The following RMND5A variants were observed in gnomAD, a reference collection of about 807,000 sequenced individuals.
RMND5A encodes the protein E3 ubiquitin-protein transferase RMND5A.
In RMND5A, 17 loss-of-function variants were observed where a neutral mutation model predicts 49.7. The observed-to-expected ratio is 0.34, with a 90% CI of 0.23 to 0.51. The LOEUF (loss-of-function observed/expected upper bound fraction) is 0.51, where lower values mean the gene tolerates loss of function less well. Ranked by LOEUF, RMND5A falls within the 20% of genes least tolerant of loss-of-function variation. The probability of loss-of-function intolerance (pLI) is 0.96; values close to 1 mark genes in which losing one functional copy is unlikely to be tolerated. For missense variants in RMND5A, 255 were observed against 471.3 expected (o/e 0.54, Z 4.25); for synonymous variants, 156 against 167.7 (o/e 0.93, Z 0.54).
chr2:86,776,662 T>C lies in RMND5A; in HGVS notation c.*3251T>C, dbSNP rs1421464089. 2.0e-5 allele frequency: 3 copies of C among 152,236 alleles called. No homozygotes were observed. The highest frequency in any genetic ancestry group is 4.4e-5 in the Non-Finnish European group (3 of 68,036). 9.4% of individuals were successfully genotyped at this position (152,236 alleles called of 1,614,324 possible). A position where few individuals can be genotyped will look rare whatever the true frequency, so the allele number is the denominator to read the frequency against. The stretch of plus-strand genomic sequence containing the variant: ...AGCTGCTGGTAGACTACATTAGCCC[T>C]CTGGTTTTCCAGCTCAACCTCTGAT... On this transcript the variant is annotated 3_prime_UTR_variant, in exon 9 of 9. Transcript: ENST00000283632.
At chr2:86,746,047 G>A (rs1051219168) in intron 2 of RMND5A, among the ~76,000 whole-genome samples, 1 of 152,160 alleles carries the variant, frequency 6.6e-6, no homozygotes, top group Non-Finnish European at 1.5e-5. Context: ...AATGCTGACT[G>A]TATTAAGGAG....
At position 86,770,086 on chromosome 2, in the gene RMND5A, G is replaced by A. The variant is rs746427465; in HGVS notation, c.918G>A (p.Arg306=). Residue 306 remains arginine, a synonymous_variant, in exon 7 of 9, where the codon AGG becomes AGA. Transcript: ENST00000283632. ...LINIKAVIEQ[R]QCTGVWNQKD... is the part of the protein sequence containing the mutation. ...ACATCAAAGCCGTGATTGAACAGAG[G>A]CAGTGTACTGGAGTTTGGAACCAGA... 2 of 1,613,910 alleles carry A rather than the reference G, an allele frequency of 1.2e-6. No individual in the cohort carries two copies. The highest frequency in any genetic ancestry group is 1.3e-5 in the African/African-American group (1 of 74,902).
At position 86,720,590 on chromosome 2, in the gene RMND5A, G is replaced by C; in HGVS notation, c.-78G>C. ...CGCCCGCTTGGGGAACGAGGAGCAG[G>C]ACGCGGCCTCGGTGGGGCCCGGGCC... On this transcript the variant is annotated 5_prime_UTR_variant, in exon 1 of 9. Coordinates refer to ENST00000283632, the MANE Select transcript of RMND5A (RefSeq NM_022780.4). 7.8e-7 allele frequency: 1 copy of C among 1,286,528 alleles called. No homozygotes were observed. The highest frequency in any genetic ancestry group is 1.0e-6 in the Non-Finnish European group (1 of 1,000,522). 79.7% of individuals were successfully genotyped at this position (1,286,528 alleles called of 1,614,324 possible). A position where few individuals can be genotyped will look rare whatever the true frequency, so the allele number is the denominator to read the frequency against.
chr2:86,757,596 A>C (rs1003507409), intron 4 of RMND5A, among the ~76,000 whole-genome samples: 1 of 152,172 alleles, frequency 6.6e-6, no homozygotes, highest in Non-Finnish European at 1.5e-5. Flanking sequence ...ATTAGAAAAA[A>C]TAGGAACTGT....
At chr2:86,772,129 A>G (rs1307267004) in intron 8 of RMND5A, among the ~76,000 whole-genome samples, 4 of 152,206 alleles carry the variant, frequency 2.6e-5, no homozygotes, top group African/African-American at 4.8e-5. Flanking sequence ...CCAGTTCCCT[A>G]TTGATGAACA....
intron 3 of RMND5A, among the ~76,000 whole-genome samples, chr2:86,752,875 G>A (rs1038698274): frequency 5.3e-5 from 8 of 152,062 alleles, no homozygotes; most frequent in African/African-American, 1.2e-4. Context: ...ATGATAACTC[G>A]GTTTTTCTCT....
At chr2:86,763,911 A>G (rs1672547213) in intron 4 of RMND5A, among the ~76,000 whole-genome samples, 1 of 152,246 alleles carries the variant, frequency 6.6e-6, no homozygotes, top group African/African-American at 2.4e-5. Flanking sequence ...CAGATGATTA[A>G]TATTTTTAAA....
intron 1 of RMND5A, among the ~76,000 whole-genome samples, chr2:86,732,662 A>T (rs1166998811): frequency 6.7e-6 from 1 of 149,954 alleles, no homozygotes; most frequent in Non-Finnish European, 1.5e-5. Context: ...TCTGACTTAG[A>T]ATATACTTTT....
chr2:86,770,289 A>T (rs1672667419), intron 7 of RMND5A, among the ~76,000 whole-genome samples, 164 bp downstream of exon 7: 1 of 152,198 alleles, frequency 6.6e-6, no homozygotes, highest in African/African-American at 2.4e-5. Flanking sequence ...AGAGCCTAGT[A>T]CATTTTGGGG....
Position 86,776,075 on chromosome 2 carries a change from G to C in RMND5A, c.*2664G>C, listed in dbSNP as rs1573450239. On this transcript the variant is annotated 3_prime_UTR_variant, in exon 9 of 9. Coordinates refer to ENST00000283632, the MANE Select transcript of RMND5A (RefSeq NM_022780.4). ...GGTTTCTTAAATTTCCTTGGGAACC[G>C]TTTCCACATATCAGTTATAGACAAA... is the stretch of plus-strand genomic sequence containing the variant. 3.9e-5 allele frequency: 6 copies of C among 152,298 alleles called. No individual in the cohort carries two copies. The East Asian group carries it at 1.2e-3, about 29-fold the overall frequency. The allele number at this position is 152,298 out of a possible 1,614,324, so 9.4% of individuals were successfully genotyped here. A position where few individuals can be genotyped will look rare whatever the true frequency, so the allele number is the denominator to read the frequency against.
chr2:86,744,115 C>G (rs1681496874), intron 2 of RMND5A, among the ~76,000 whole-genome samples: 1 of 152,152 alleles, frequency 6.6e-6, no homozygotes, highest in South Asian at 2.1e-4. Context: ...TCAGTACACA[C>G]TCTCCCCGTA....
intron 6 of RMND5A, among the ~76,000 whole-genome samples, chr2:86,766,372 C>T (rs774713941): frequency 1.3e-5 from 2 of 152,090 alleles, no homozygotes; most frequent in African/African-American, 4.8e-5. Flanking sequence ...CACACACTTG[C>T]AGTTTAAGAA....
In RMND5A at chr2:86,733,093, A is replaced by T. The variant is rs1681360614; in HGVS notation, c.143-7834A>T. Among the ~76,000 whole-genome samples, 2 of 72,296 alleles carry T rather than the reference A, an allele frequency of 2.8e-5. 1 individual carries two copies. Among genetic ancestry groups the T allele is most frequent in the Admixed American group, 2.9e-4 (2 of 6,816 alleles). 47.4% of individuals were successfully genotyped at this position (72,296 alleles called of 152,430 possible). A position where few individuals can be genotyped will look rare whatever the true frequency, so the allele number is the denominator to read the frequency against. ...AGGCTGCAGTGTTACTGTGTAGAAG[A>T]TGCTAAACATTCTGTGAGAGAGTGA... On this transcript the variant is annotated intron_variant, in intron 1 of 8. Coordinates refer to ENST00000283632, the MANE Select transcript of RMND5A (RefSeq NM_022780.4).
At position 86,737,674 on chromosome 2, in the gene RMND5A, A is replaced by G. The variant is rs1225542026; in HGVS notation, c.143-3253A>G. Among the ~76,000 whole-genome samples the G allele has an allele frequency of 2.7e-5, 2 of 72,794 alleles. 1 individual carries two copies. The highest frequency in any genetic ancestry group is 5.3e-5 in the Non-Finnish European group (2 of 37,684). 47.8% of individuals were successfully genotyped at this position (72,794 alleles called of 152,430 possible). A position where few individuals can be genotyped will look rare whatever the true frequency, so the allele number is the denominator to read the frequency against. ...GTTTGTATATCTCACCAACTCCTCC[A>G]CTTATGCACTGTGGTGCCTACTCAA... is the stretch of plus-strand genomic sequence containing the variant. On this transcript the variant is annotated intron_variant, in intron 1 of 8. Coordinates refer to ENST00000283632, the MANE Select transcript of RMND5A (RefSeq NM_022780.4).
At chr2:86,769,450 C>G (rs149524671) in intron 6 of RMND5A, among the ~76,000 whole-genome samples, 1 of 152,138 alleles carries the variant, frequency 6.6e-6, no homozygotes, top group Non-Finnish European at 1.5e-5. Flanking sequence ...GAAGTTATGT[C>G]TTGTATATTG....
chr2:86,750,473 C>A (rs1681614761), intron 2 of RMND5A, among the ~76,000 whole-genome samples: 1 of 148,996 alleles, frequency 6.7e-6, no homozygotes, highest in Admixed American at 6.8e-5. Flanking sequence ...AATCTGTAGT[C>A]ATTTGAATCA....
intron 2 of RMND5A, chr2:86,748,213 T>TG (rs1255417557): frequency 6.6e-6 from 1 of 152,158 alleles, no homozygotes; most frequent in African/African-American, 2.4e-5. Context: ...GATGCAACAG[T>TG]GAGTAAGAAC....
chr2:86,747,543 A>AT (rs1681558613), intron 2 of RMND5A, among the ~76,000 whole-genome samples: 1 of 152,170 alleles, frequency 6.6e-6, no homozygotes, highest in Non-Finnish European at 1.5e-5. Flanking sequence ...TAAAAGGGAA[A>AT]TTAATTCCTG....
chr2:86,773,336 C>T lies in RMND5A; in HGVS notation c.1113-12C>T, dbSNP rs779224122. ...CTGCTCCTTCACTCAGTGTTTTCTT[C>T]TTTGTCTTTAGATTAAAATGTCCCT... On this transcript the variant is annotated splice_polypyrimidine_tract_variant and intron_variant, in intron 8 of 8. Coordinates refer to ENST00000283632, the MANE Select transcript of RMND5A (RefSeq NM_022780.4). The T allele has an allele frequency of 1.8e-5, 28 of 1,569,780 alleles. No individual in the cohort carries two copies. Among genetic ancestry groups the T allele is most frequent in the Non-Finnish European group, 2.3e-5 (26 of 1,140,520 alleles).
Sources: allele counts gnomAD v4.1 joint callset (sites outside exome capture counted in the v4.1 genomes callset), GRCh38; gene constraint gnomAD v4.1.1; transcripts MANE v1.5; gene names NCBI Gene and HGNC (gene_info 2026-07-23, HGNC 2026-07-21).